Variants in PTPRD observed in about 807,000 individuals in gnomAD.
The protein encoded by PTPRD is protein tyrosine phosphatase receptor type D.
A neutral mutation model predicts 214.5 loss-of-function variants in PTPRD; 34 were observed. The ratio of observed to expected loss-of-function variants is 0.16; its 90% CI spans 0.12 to 0.21. PTPRD has a LOEUF of 0.21. PTPRD is among the 10% of genes least tolerant of loss of function. PTPRD has a pLI of 1.00. For synonymous variants in PTPRD, 1,128 were observed against 845.7 expected (o/e 1.33, Z -5.79); for missense variants, 2,545 against 2,398.7 (o/e 1.06, Z -1.27).
intron 44 of PTPRD, among the ~76,000 whole-genome samples, chr9:8,321,487 G>GTGTGTGTATATA (rs1168847469): frequency 9.0e-5 from 4 of 44,550 alleles, no homozygotes; most frequent in African/African-American, 1.0e-4. Flanking sequence ...GTGTGTGTGT[G>GTGTGTGTATATA]TATATATATA....
intron 11 of PTPRD, among the ~76,000 whole-genome samples, chr9:8,775,995 G>C (rs2095456934): frequency 1.3e-5 from 2 of 152,192 alleles, no homozygotes; most frequent in African/African-American, 2.4e-5. Context: ...ATCAAAAAAT[G>C]CTTCGAAACT....
At chr9:8,603,874 A>C (rs111429950) in intron 14 of PTPRD, among the ~76,000 whole-genome samples, 2,996 of 152,346 alleles carry the variant, frequency 0.02, 43 homozygotes, top group African/African-American at 0.04. Context: ...CCAACTAATT[A>C]GAAGAAAGGC....
At chr9:8,556,544 T>C (rs1047252110) in intron 14 of PTPRD, among the ~76,000 whole-genome samples, 2 of 151,932 alleles carry the variant, frequency 1.3e-5, no homozygotes, top group African/African-American at 4.8e-5. Flanking sequence ...CATGTACACA[T>C]ACTTGTGTAT....
intron 12 of PTPRD, among the ~76,000 whole-genome samples, chr9:8,729,064 C>T (rs1048803719): frequency 6.6e-6 from 1 of 152,160 alleles, no homozygotes; most frequent in Non-Finnish European, 1.5e-5. Flanking sequence ...CCAAGCTCAC[C>T]CCCTACCTTC....
intron 3 of PTPRD, among the ~76,000 whole-genome samples, chr9:10,325,745 CAAT>C (rs2096632064): frequency 1.3e-5 from 2 of 151,766 alleles, no homozygotes; most frequent in Admixed American, 1.3e-4. Context: ...ATATCATATT[CAAT>C]AATTAGTTAA....
intron 11 of PTPRD, among the ~76,000 whole-genome samples, chr9:8,958,134 G>T (rs1056867405): frequency 4.0e-5 from 6 of 151,796 alleles, no homozygotes; most frequent in African/African-American, 9.7e-5. Flanking sequence ...CATCCTGCAG[G>T]TGCTAAATGT....
At chr9:10,490,097 A>G (rs2039687819) in intron 2 of PTPRD, among the ~76,000 whole-genome samples, 1 of 152,142 alleles carries the variant, frequency 6.6e-6, no homozygotes, top group East Asian at 1.9e-4. Flanking sequence ...TTTCTCCTAG[A>G]TCTCAGTAGT....
rs112428668 is a variant in PTPRD at position 10,329,683 on chromosome 9, C to A, written c.-545+11280G>T. ...TTATATAAAGGTTGGAAAAATAGAA[C>A]GTGTGAAATAATGACACCTATAATC... is the stretch of plus-strand genomic sequence containing the variant. On this transcript the variant is annotated intron_variant, in intron 3 of 45. Transcript: ENST00000381196. Among the ~76,000 whole-genome samples, 966 of 151,812 alleles carry A rather than the reference C, an allele frequency of 6.4e-3. 7 individuals carry two copies. Among genetic ancestry groups the A allele is most frequent in the African/African-American group, 0.022 (905 of 41,486 alleles).
chr9:8,860,285 T>C (rs1707486023), intron 11 of PTPRD: 1 of 152,200 alleles, frequency 6.6e-6, no homozygotes, highest in African/African-American at 2.4e-5. Flanking sequence ...TGAGGATATA[T>C]CATCTTACAC....
At chr9:8,825,213 T>G (rs531491432) in intron 11 of PTPRD, among the ~76,000 whole-genome samples, 11 of 152,208 alleles carry the variant, frequency 7.2e-5, no homozygotes, top group African/African-American at 2.7e-4. Flanking sequence ...AAACCCTGTA[T>G]AGGGACTGTT....
chr9:9,628,308 G>T (rs189871257), intron 7 of PTPRD, among the ~76,000 whole-genome samples: 1 of 152,000 alleles, frequency 6.6e-6, no homozygotes, highest in South Asian at 2.1e-4. Flanking sequence ...CTCTTACAGG[G>T]GCTTATTCCA....
At chr9:9,455,503 C>G (rs1284753033) in intron 8 of PTPRD, among the ~76,000 whole-genome samples, 2 of 151,522 alleles carry the variant, frequency 1.3e-5, no homozygotes, top group African/African-American at 4.8e-5. Flanking sequence ...GTAATCTTAT[C>G]TCAGTACAGC....
intron 5 of PTPRD, among the ~76,000 whole-genome samples, chr9:9,781,954 G>A (rs559416738): frequency 2.4e-4 from 37 of 152,046 alleles, no homozygotes; most frequent in Non-Finnish European, 2.9e-5. Context: ...TACCACGCCC[G>A]GCTAATTTTA....
At chr9:9,999,181 G>C (rs925504024) in intron 4 of PTPRD, among the ~76,000 whole-genome samples, 2 of 152,132 alleles carry the variant, frequency 1.3e-5, no homozygotes, top group Non-Finnish European at 2.9e-5. Flanking sequence ...CCTACGCTCG[G>C]GCTGGGAAAG....
In PTPRD at chr9:8,870,516, T is replaced by C. The variant is rs142460859; in HGVS notation, c.-103-136570A>G. ...CTTGCTGTTTCTCAAACTTTCCAAA[T>C]TCTTTTGGTTCACCACCCCAACCTT... On this transcript the variant is annotated intron_variant, in intron 11 of 45. Coordinates refer to ENST00000381196, the MANE Select transcript of PTPRD (RefSeq NM_002839.4). Among the ~76,000 whole-genome samples the C allele has an allele frequency of 9.5e-3, 1,444 of 152,218 alleles. 24 individuals carry two copies. The highest frequency in any genetic ancestry group is 0.033 in the African/African-American group (1,381 of 41,552).
chr9:8,737,316 A>G (rs6477333), intron 11 of PTPRD, among the ~76,000 whole-genome samples: 95,116 of 152,020 alleles, frequency 0.63, 29,994 homozygotes, highest in African/African-American at 0.67. Flanking sequence ...TGTTCATTCC[A>G]GCTAATCTCC....
At chr9:9,581,932 A>T (rs756131285) in intron 7 of PTPRD, among the ~76,000 whole-genome samples, 2 of 152,166 alleles carry the variant, frequency 1.3e-5, no homozygotes, top group Non-Finnish European at 2.9e-5. Context: ...CACAAATAAG[A>T]CAAAAACCAT....
chr9:8,514,993 C>G (rs1458408149), intron 21 of PTPRD, among the ~76,000 whole-genome samples: 1 of 152,212 alleles, frequency 6.6e-6, no homozygotes, highest in African/African-American at 2.4e-5. Context: ...GCTTCCCCTT[C>G]ACCTTCTGCC....
At position 8,720,631 on chromosome 9, in the gene PTPRD, A is replaced by T. The variant is rs144099034; in HGVS notation, c.64+13149T>A. ...AAGAAAGCCTAATAAAAGAATGGAA[A>T]TCATTTTATAGTGAAACACTAGTCA... is the stretch of plus-strand genomic sequence containing the variant. On this transcript the variant is annotated intron_variant, in intron 12 of 45. Coordinates refer to ENST00000381196, the MANE Select transcript of PTPRD (RefSeq NM_002839.4). Among the ~76,000 whole-genome samples the T allele has an allele frequency of 3.3e-4, 51 of 152,332 alleles. No homozygotes were observed. In the South Asian group the frequency reaches 9.9e-3, roughly 30 times the overall value.
Sources: allele counts gnomAD v4.1 joint callset (sites outside exome capture counted in the v4.1 genomes callset), GRCh38; gene constraint gnomAD v4.1.1; transcripts MANE v1.5; gene names NCBI Gene and HGNC (gene_info 2026-07-23, HGNC 2026-07-21).